ZNF783: variants seen among roughly 807,000 people sequenced by gnomAD.
ZNF783 encodes the protein zinc finger protein 783.
ZNF783 carries 25 observed loss-of-function variants against 31.3 expected under a neutral mutation model. The observed-to-expected ratio is 0.80, with a 90% confidence interval of 0.58 to 1.11. ZNF783 has a LOEUF of 1.11. ZNF783 is among the 50% of genes most tolerant of loss of function. ZNF783 has a pLI of 0.00. For synonymous variants in ZNF783, 369 were observed against 319.1 expected (o/e 1.16, Z -1.66); for missense variants, 797 against 760.0 (o/e 1.05, Z -0.57).
chr7:149,266,300 C>T, intron 1 of ZNF783, 35 bp from the exon 2 acceptor site: 15 of 1,497,452 alleles, frequency 1.0e-5, no homozygotes, highest in Non-Finnish European at 1.3e-5. Context: ...TTGTATAATT[C>T]TCATAACATC....
At chr7:149,265,279 A>G (rs1000132327) in intron 1 of ZNF783, among the ~76,000 whole-genome samples, 8 of 152,202 alleles carry the variant, frequency 5.3e-5, no homozygotes, top group African/African-American at 1.2e-4. Context: ...TGTGAATCAG[A>G]TACCAGGGTA....
chr7:149,276,522 G>A, intron 4 of ZNF783: 1 of 985,416 alleles, frequency 1.0e-6, no homozygotes, highest in Non-Finnish European at 1.2e-6. Context: ...GTGTTAGCAG[G>A]CACAGACTCA....
At chr7:149,264,872 CA>C (rs56837970) in intron 1 of ZNF783, among the ~76,000 whole-genome samples, 17,735 of 52,972 alleles carry the variant, frequency 0.33, 1,432 homozygotes, top group East Asian at 0.52. Flanking sequence ...GACTCCGTCT[CA>C]AAAAAAAAAA....
At chr7:149,271,139 C>T (rs979984681) in intron 4 of ZNF783, among the ~76,000 whole-genome samples, 19 of 152,124 alleles carry the variant, frequency 1.2e-4, no homozygotes, top group African/African-American at 3.9e-4. Context: ...GGGGTTTCAC[C>T]GTGTTAGCCA....
chr7:149,262,959 C>G (rs1585604123), intron 1 of ZNF783, among the ~76,000 whole-genome samples: 1 of 152,024 alleles, frequency 6.6e-6, no homozygotes, highest in Non-Finnish European at 1.5e-5. Flanking sequence ...GAGTCTCGCT[C>G]TGTTGCGCAT....
chr7:149,262,252 G>T lies in ZNF783; in HGVS notation c.-82G>T. 8.0e-7 allele frequency: 1 copy of T among 1,249,760 alleles called. No homozygotes were observed. The highest frequency in any genetic ancestry group is 2.0e-5 in the South Asian group (1 of 50,584). 77.4% of individuals were successfully genotyped at this position (1,249,760 alleles called of 1,614,324 possible). On this transcript the variant is annotated 5_prime_UTR_variant, in exon 1 of 6. Coordinates refer to ENST00000434415, the MANE Select transcript of ZNF783 (RefSeq NM_001195220.2). ...TCTCAGGTTAGGCGGGTCCCGCTCCGCTTCCGCCGTCGCTGCCGCGCCGCC... is the reference window on the plus strand; with the variant it reads ...TCTCAGGTTAGGCGGGTCCCGCTCCTCTTCCGCCGTCGCTGCCGCGCCGCC...
At chr7:149,264,334 G>T (rs933302035) in intron 1 of ZNF783, among the ~76,000 whole-genome samples, 3 of 152,172 alleles carry the variant, frequency 2.0e-5, no homozygotes, top group African/African-American at 7.2e-5. Context: ...TCTTAAAAAC[G>T]AGAGAGACTC....
intron 4 of ZNF783, chr7:149,277,265 G>A (rs933007766): frequency 5.3e-5 from 8 of 152,104 alleles, no homozygotes; most frequent in Admixed American, 5.2e-4. Context: ...CATGATTCTG[G>A]GTTTCTTGTC....
chr7:149,282,112 C>T lies in ZNF783; in HGVS notation c.1410C>T (p.Tyr470=), dbSNP rs750479902. 1.9e-6 allele frequency: 3 copies of T among 1,598,354 alleles called. No homozygotes were observed. Among genetic ancestry groups the T allele is most frequent in the Non-Finnish European group, 2.5e-6 (3 of 1,179,176 alleles). Reference sequence around the variant, plus strand: ...GCCAGGGCTGGCCCGCCTGCCCCTACTGCGGCAAGGCCTTCCGCCGGCCCT... The same window carrying T: ...GCCAGGGCTGGCCCGCCTGCCCCTATTGCGGCAAGGCCTTCCGCCGGCCCT... ...GNGQGWPACP[Y]CGKAFRRPSD... The change falls in exon 6 of 6, where the codon TAC becomes TAT. Residue 470 remains tyrosine (Y), a synonymous_variant. Transcript: ENST00000434415.
At position 149,278,580 on chromosome 7, in the gene ZNF783, G is replaced by A. The variant is rs190910105; in HGVS notation, c.802+53G>A. 4.4e-5 allele frequency: 70 copies of A among 1,595,502 alleles called. 1 individual carries two copies. The highest frequency in any genetic ancestry group is 4.2e-4 in the Admixed American group (25 of 59,806). Reference sequence around the variant, plus strand: ...TGAACAGTGTCCCGAGGCAGCACGCGATCACCAAGCGATGGTGCTGAGGAA... The same window carrying A: ...TGAACAGTGTCCCGAGGCAGCACGCAATCACCAAGCGATGGTGCTGAGGAA... On this transcript the variant is annotated intron_variant, in intron 5 of 5. Transcript: ENST00000434415.
At chr7:149,267,301 A>G in intron 4 of ZNF783, 79 bp downstream of exon 4, 1 of 1,504,288 alleles carries the variant, frequency 6.6e-7, no homozygotes, top group South Asian at 1.4e-5. Flanking sequence ...GGCTTCCCAG[A>G]CAATCAGGGA....
In ZNF783 at chr7:149,282,009, A is replaced by G. The variant is rs748165288; in HGVS notation, c.1307A>G (p.Tyr436Cys). The change falls in exon 6 of 6, where the codon TAC becomes TGC. Residue 436 changes from tyrosine to cysteine, a missense_variant. By Grantham distance (194) the Tyr-to-Cys change is radical. Coordinates refer to ENST00000434415, the MANE Select transcript of ZNF783 (RefSeq NM_001195220.2). Reference sequence around the variant, plus strand: ...CGGCGGCCTGCAGCCAGCAAGATGTACCACTGCAGCGAGTGCCTGCGCTTC... The same window carrying G: ...CGGCGGCCTGCAGCCAGCAAGATGTGCCACTGCAGCGAGTGCCTGCGCTTC... ...VGRRPAASKM[Y>C]HCSECLRFFQ... 4 of 1,583,704 alleles carry G rather than the reference A, an allele frequency of 2.5e-6. No homozygotes were observed. The highest frequency in any genetic ancestry group is 3.4e-6 in the Non-Finnish European group (4 of 1,173,256).
intron 1 of ZNF783, 21 bp from the exon 2 acceptor site, chr7:149,266,314 C>CATACAA: frequency 6.6e-7 from 1 of 1,524,332 alleles, no homozygotes; most frequent in Non-Finnish European, 8.7e-7. Context: ...TAACATCTCT[C>CATACAA]TTTTCTCTTC....
rs1181221529 is a variant in ZNF783 at position 149,262,196 on chromosome 7, G to T, written c.-138G>T. The stretch of plus-strand genomic sequence containing the variant: ...AAAGGGCCAGCGGGGCACGTGGCTC[G>T]GGACGCAGTTCGCTGCCGCCCGGCA... On this transcript the variant is annotated 5_prime_UTR_variant, in exon 1 of 6. Transcript: ENST00000434415. The T allele has an allele frequency of 1.4e-6, 1 of 730,116 alleles. No individual in the cohort carries two copies. The highest frequency in any genetic ancestry group is 4.6e-5 in the Admixed American group (1 of 21,532). The allele number at this position is 730,116 out of a possible 1,614,324, so 45.2% of individuals were successfully genotyped here.
In ZNF783 at chr7:149,265,752, C is replaced by T. The variant is rs535172987; in HGVS notation, c.25-583C>T. On this transcript the variant is annotated intron_variant, in intron 1 of 5. Coordinates refer to ENST00000434415, the MANE Select transcript of ZNF783 (RefSeq NM_001195220.2). ...CATGTTTATTATCTGTGCTGTGCTA[C>T]ACATTGTACTAAGTGCTTTGTACAC... is the stretch of plus-strand genomic sequence containing the variant. 8.9e-4 allele frequency among the ~76,000 whole-genome samples: 135 copies of T among 152,370 alleles called. 1 individual carries two copies. In the South Asian group the frequency reaches 0.027, roughly 30 times the overall value.
Position 149,281,876 on chromosome 7 carries a change from GC to G in ZNF783, c.1176del (p.Met393CysfsTer172). Reference protein sequence around the residue: ...RSPTSCGDSQAMLEPGEVVVP... With the variant: ...RSPTSCGDSQXMLEPGEVVVP... ...GCCCACCAGCTGCGGGGACAGCCAGGCCATGCTGGAGCCGGGGGAGGTGGTG... is the reference window on the plus strand; with the variant it reads ...GCCCACCAGCTGCGGGGACAGCCAGGCATGCTGGAGCCGGGGGAGGTGGTG... On this transcript the variant is annotated frameshift_variant, in exon 6 of 6. Coordinates refer to ENST00000434415, the MANE Select transcript of ZNF783 (RefSeq NM_001195220.2). LOFTEE classifies it low-confidence loss of function (END_TRUNC). 1 of 1,508,468 alleles carries G rather than the reference GC, an allele frequency of 6.6e-7. No homozygotes were observed. The highest frequency in any genetic ancestry group is 8.8e-7 in the Non-Finnish European group (1 of 1,135,690). The allele number at this position is 1,508,468 out of a possible 1,614,324, so 93.4% of individuals were successfully genotyped here.
chr7:149,281,658 G>T lies in ZNF783; in HGVS notation c.956G>T (p.Gly319Val). 6.5e-7 allele frequency: 1 copy of T among 1,527,364 alleles called. No individual in the cohort carries two copies. The highest frequency in any genetic ancestry group is 8.7e-7 in the Non-Finnish European group (1 of 1,149,206). The allele number at this position is 1,527,364 out of a possible 1,614,324, so 94.6% of individuals were successfully genotyped here. A position where few individuals can be genotyped will look rare whatever the true frequency, so the allele number is the denominator to read the frequency against. Residue 319 changes from glycine (G) to valine (V), a missense_variant, in exon 6 of 6, where the codon GGC becomes GTC. By Grantham distance (109) the Gly-to-Val change is moderately radical. Coordinates refer to ENST00000434415, the MANE Select transcript of ZNF783 (RefSeq NM_001195220.2). ...GGCCCCAGCCGTCATCAGGCCCAGG[G>T]CATGCCCAGGGTGCGGGCAGGGGAG... Reference protein sequence around the residue: ...PGGPSRHQAQGMPRVRAGEPR... With the variant: ...PGGPSRHQAQVMPRVRAGEPR...
chr7:149,268,108 A>C lies in ZNF783; in HGVS notation c.673+886A>C, dbSNP rs184527841. On this transcript the variant is annotated intron_variant, in intron 4 of 5. Coordinates refer to ENST00000434415, the MANE Select transcript of ZNF783 (RefSeq NM_001195220.2). ...TTTAATAAAGTAGAATAGCACAGCG[A>C]ATCTCCAAATGATCGTCACCAAAAC... 6.0e-3 allele frequency among the ~76,000 whole-genome samples: 908 copies of C among 152,342 alleles called. 10 individuals carry two copies. Among genetic ancestry groups the C allele is most frequent in the Admixed American group, 0.03 (452 of 15,300 alleles).
chr7:149,272,538 C>T (rs537747224), intron 4 of ZNF783, among the ~76,000 whole-genome samples: 1 of 152,174 alleles, frequency 6.6e-6, no homozygotes, highest in Non-Finnish European at 1.5e-5. Context: ...TTTAATGGCA[C>T]CTCTCTTACT....
Sources: gnomAD v4.1 joint callset for allele counts (sites outside exome capture counted in the v4.1 genomes callset) on GRCh38, gnomAD v4.1.1 for gene constraint, MANE v1.5 for transcripts, NCBI Gene and HGNC (gene_info 2026-07-23, HGNC 2026-07-21) for gene names.